Variants in INPP4B observed in about 807,000 individuals in gnomAD.
INPP4B encodes the protein inositol polyphosphate 4-phosphatase type II.
INPP4B carries 55 observed loss-of-function variants against 122.5 expected under a neutral mutation model. The ratio of observed to expected loss-of-function variants is 0.45; its 90% CI spans 0.36 to 0.56. The LOEUF (loss-of-function observed/expected upper bound fraction) is 0.56, where lower values mean the gene tolerates loss of function less well. Among genes scored for constraint, INPP4B ranks in the 20% least tolerant of loss-of-function variants. The pLI is 0.00. For missense variants in INPP4B, 1,000 were observed against 1,097.7 expected (o/e 0.91, Z 1.26); for synonymous variants, 403 against 388.7 (o/e 1.04, Z -0.43).
chr4:142,225,321 A>C (rs1036849796), intron 12 of INPP4B, among the ~76,000 whole-genome samples: 4 of 152,036 alleles, frequency 2.6e-5, no homozygotes, highest in Admixed American at 2.6e-4. Context: ...TGAAGGCTGC[A>C]CTATTATCTC....
At chr4:142,031,057 C>A (rs1355266601) in intron 25 of INPP4B, among the ~76,000 whole-genome samples, 2 of 151,982 alleles carry the variant, frequency 1.3e-5, no homozygotes, top group Non-Finnish European at 2.9e-5. Context: ...TGTTTACTTT[C>A]TGTGTAAATA....
At chr4:142,572,000 A>T (rs1178711059) in intron 2 of INPP4B, among the ~76,000 whole-genome samples, 3 of 152,054 alleles carry the variant, frequency 2.0e-5, no homozygotes, top group Non-Finnish European at 4.4e-5. Context: ...ATATTTCGCC[A>T]TTTTTTTCCA....
chr4:142,418,147 C>T (rs1449571599), intron 5 of INPP4B, among the ~76,000 whole-genome samples: 2 of 152,010 alleles, frequency 1.3e-5, no homozygotes, highest in African/African-American at 4.8e-5. Context: ...TCTAAAAGAA[C>T]CCCAAGGCCA....
intron 1 of INPP4B, among the ~76,000 whole-genome samples, chr4:142,792,670 G>A (rs1402291652): frequency 6.6e-6 from 1 of 151,988 alleles, no homozygotes; most frequent in Admixed American, 6.6e-5. Flanking sequence ...AGTGGAAAAT[G>A]TCCTGAGAGT....
At chr4:142,529,404 T>C (rs1461256077) in intron 2 of INPP4B, among the ~76,000 whole-genome samples, 1 of 152,080 alleles carries the variant, frequency 6.6e-6, no homozygotes, top group Non-Finnish European at 1.5e-5. Flanking sequence ...TGTTTGAATG[T>C]AGTAGAAGCA....
intron 25 of INPP4B, among the ~76,000 whole-genome samples, chr4:142,043,550 T>C (rs745753645): frequency 6.6e-6 from 1 of 151,600 alleles, no homozygotes; most frequent in East Asian, 1.9e-4. Context: ...ATAAATAACA[T>C]GGAAAGCCAT....
chr4:142,643,236 C>A (rs958875238), intron 2 of INPP4B, among the ~76,000 whole-genome samples: 2 of 151,886 alleles, frequency 1.3e-5, no homozygotes, highest in Middle Eastern at 3.2e-3. Context: ...ATTTTAAAAA[C>A]TACTTCTCAC....
chr4:142,624,420 T>C (rs1466371986), intron 2 of INPP4B, among the ~76,000 whole-genome samples: 5 of 151,806 alleles, frequency 3.3e-5, no homozygotes, highest in Non-Finnish European at 5.9e-5. Flanking sequence ...GGGTTGTTTG[T>C]TTTTTTCTTG....
intron 5 of INPP4B, among the ~76,000 whole-genome samples, chr4:142,414,206 T>C (rs1040880708): frequency 6.6e-6 from 1 of 152,134 alleles, no homozygotes; most frequent in African/African-American, 2.4e-5. Flanking sequence ...TTGTTATTTT[T>C]TTTACCATCC....
chr4:142,411,502 C>T (rs1467328158), intron 5 of INPP4B, among the ~76,000 whole-genome samples: 1 of 152,122 alleles, frequency 6.6e-6, no homozygotes. Flanking sequence ...ACAGACACTG[C>T]ATAGGAGAAA....
chr4:142,379,384 A>C (rs1298090636), intron 7 of INPP4B, among the ~76,000 whole-genome samples: 1 of 152,202 alleles, frequency 6.6e-6, no homozygotes, highest in African/African-American at 2.4e-5. Context: ...TGAAGGAATC[A>C]GGCTCATGGC....
intron 25 of INPP4B, among the ~76,000 whole-genome samples, chr4:142,035,240 AGATTT>A (rs1743106236): frequency 6.6e-6 from 1 of 152,202 alleles, no homozygotes; most frequent in South Asian, 2.1e-4. Context: ...CCTGCTTGAG[AGATTT>A]GATTTGTCTC....
intron 1 of INPP4B, among the ~76,000 whole-genome samples, chr4:142,817,401 C>T (rs1780234974): frequency 6.6e-6 from 1 of 152,126 alleles, no homozygotes. Context: ...CCTCTTCAGC[C>T]CCCTTGCTTT....
chr4:142,727,774 A>G (rs1765520317), intron 1 of INPP4B, among the ~76,000 whole-genome samples: 1 of 152,106 alleles, frequency 6.6e-6, no homozygotes, highest in African/African-American at 2.4e-5. Context: ...GCTATTCGAA[A>G]GGCTGAGATG....
chr4:142,443,458 G>C (rs1001894768), intron 3 of INPP4B, among the ~76,000 whole-genome samples: 1 of 152,114 alleles, frequency 6.6e-6, no homozygotes, highest in African/African-American at 2.4e-5. Flanking sequence ...ATTAGAAAGG[G>C]AGGAGCAGTA....
chr4:142,808,810 T>C (rs1204414448), intron 1 of INPP4B, among the ~76,000 whole-genome samples: 3 of 152,146 alleles, frequency 2.0e-5, no homozygotes, highest in Non-Finnish European at 2.9e-5. Context: ...ATAGTAAAGA[T>C]TTTGAATCTG....
chr4:142,482,737 C>A (rs1560708708), intron 2 of INPP4B, among the ~76,000 whole-genome samples: 2 of 152,060 alleles, frequency 1.3e-5, no homozygotes, highest in Non-Finnish European at 2.9e-5. Flanking sequence ...TAAAGCCTTT[C>A]CTGACCTTTT....
intron 12 of INPP4B, among the ~76,000 whole-genome samples, chr4:142,231,585 C>T (rs1854394409): frequency 6.6e-6 from 1 of 151,954 alleles, no homozygotes; most frequent in Non-Finnish European, 1.5e-5. Context: ...AATTCTATTC[C>T]TTTGCTATTT....
At chr4:142,747,212 G>A (rs331956) in intron 1 of INPP4B, among the ~76,000 whole-genome samples, 35,349 of 152,054 alleles carry the variant, frequency 0.23, 4,375 homozygotes, top group South Asian at 0.35. Flanking sequence ...AGTGGGTGAA[G>A]GATATGAACA....
Sources: gnomAD v4.1 joint callset for allele counts (sites outside exome capture counted in the v4.1 genomes callset) on GRCh38, gnomAD v4.1.1 for gene constraint, MANE v1.5 for transcripts, NCBI Gene and HGNC (gene_info 2026-07-23, HGNC 2026-07-21) for gene names.